The following UBAP1L variants were observed in gnomAD, a reference collection of about 807,000 sequenced individuals.
The protein encoded by UBAP1L is ubiquitin-associated protein 1-like.
UBAP1L carries 32 observed loss-of-function variants against 32.1 expected under a neutral mutation model. That is an observed-to-expected ratio of 1.00 (90% CI 0.75 to 1.34). The LOEUF (loss-of-function observed/expected upper bound fraction) is 1.34. Ranked by LOEUF, UBAP1L falls within the 40% of genes most tolerant of loss-of-function variation. UBAP1L has a pLI of 0.00. For synonymous variants in UBAP1L, 243 were observed against 250.2 expected (o/e 0.97, Z 0.27); for missense variants, 516 against 540.5 (o/e 0.95, Z 0.45).
chr15:65,110,613 A>G (rs2087362632), intron 1 of UBAP1L, among the ~76,000 whole-genome samples: 1 of 144,020 alleles, frequency 6.9e-6, no homozygotes, highest in South Asian at 2.3e-4. Flanking sequence ...TGAACCCAGG[A>G]GGCGGAGGTT....
intron 3 of UBAP1L, chr15:65,100,601 A>T (rs955769196): frequency 2.0e-5 from 3 of 152,106 alleles, no homozygotes; most frequent in African/African-American, 7.2e-5. Context: ...ATCGCCCCGA[A>T]CCTTCTCCCA....
chr15:65,104,321 A>AAAGAG (rs199681416), intron 2 of UBAP1L, among the ~76,000 whole-genome samples: 7 of 151,976 alleles, frequency 4.6e-5, no homozygotes, highest in East Asian at 1.9e-4. Flanking sequence ...AGAGAGAGAG[A>AAAGAG]AAGAGAAGAG....
chr15:65,100,244 C>CAA lies in UBAP1L; in HGVS notation c.700-532_700-531dup, dbSNP rs61017834. On this transcript the variant is annotated intron_variant, in intron 3 of 5. Coordinates refer to ENST00000559089, the MANE Select transcript of UBAP1L (RefSeq NM_001163692.2). Reference sequence around the variant, plus strand: ...GGGCAATAACAGCCAAACTCTGTCTCAAAAAAAAAAACAAAACAAAAAACA... The same window carrying CAA: ...GGGCAATAACAGCCAAACTCTGTCTCAAAAAAAAAAAAACAAAACAAAAAACA... 4.3e-3 allele frequency: 627 copies of CAA among 145,680 alleles called. 5 individuals are homozygous for CAA. The highest frequency in any genetic ancestry group is 0.025 in the East Asian group (128 of 5,050). 9.0% of individuals were successfully genotyped at this position (145,680 alleles called of 1,614,324 possible). A position where few individuals can be genotyped will look rare whatever the true frequency, so the allele number is the denominator to read the frequency against.
At chr15:65,099,446 T>C in intron 4 of UBAP1L, 59 bp downstream of exon 4, 10 of 1,511,550 alleles carry the variant, frequency 6.6e-6, no homozygotes, top group Non-Finnish European at 8.9e-6. Context: ...GTGAAAATCA[T>C]GTGGCCACTC....
rs893102719 is a variant in UBAP1L at position 65,102,208 on chromosome 15, G to A, written c.597C>T (p.Pro199=). The change falls in exon 3 of 6, where the codon CCC becomes CCT. Residue 199 remains proline (P), a synonymous_variant. Coordinates refer to ENST00000559089, the MANE Select transcript of UBAP1L (RefSeq NM_001163692.2). This position sits in a 1 kb window ranked among gnomAD's most constrained non-coding sequence, Gnocchi z 5.0. ...CGGGGTGCTGGGGCGCGGGCCCCGG[G>A]GGTGATGCAGACCTGGGGGACTGCG... is the stretch of plus-strand genomic sequence containing the variant. The part of the protein sequence containing the change: ...SPAQSPRSAS[P]PGPAPQHPAA... 3.7e-5 allele frequency: 45 copies of A among 1,209,302 alleles called. No individual in the cohort carries two copies. Among genetic ancestry groups the A allele is most frequent in the Non-Finnish European group, 4.4e-5 (43 of 973,612 alleles). 74.9% of individuals were successfully genotyped at this position (1,209,302 alleles called of 1,614,324 possible).
At chr15:65,093,912 T>G (rs2087145170) in intron 5 of UBAP1L, among the ~76,000 whole-genome samples, 1 of 152,082 alleles carries the variant, frequency 6.6e-6, no homozygotes, top group South Asian at 2.1e-4. Context: ...CAGGGTGTGG[T>G]GGCAGGCGCC....
intron 1 of UBAP1L, among the ~76,000 whole-genome samples, chr15:65,111,048 TGTTA>T (rs947997226): frequency 5.9e-5 from 9 of 152,188 alleles, no homozygotes; most frequent in African/African-American, 2.2e-4. Flanking sequence ...TGTCAACTCT[TGTTA>T]GTGTCTTGCT....
intron 4 of UBAP1L, chr15:65,099,278 T>C (rs2087211605): frequency 3.7e-6 from 2 of 547,166 alleles, no homozygotes; most frequent in East Asian, 6.2e-5. Flanking sequence ...TCCACTTACC[T>C]CAGGTCACCC....
chr15:65,104,642 G>A (rs376657895), intron 2 of UBAP1L, among the ~76,000 whole-genome samples: 1 of 152,240 alleles, frequency 6.6e-6, no homozygotes, highest in Non-Finnish European at 1.5e-5. Context: ...CTGGGAGGCC[G>A]AGGCCGGAGG....
chr15:65,111,855 A>T (rs890136031), intron 1 of UBAP1L, among the ~76,000 whole-genome samples: 1 of 140,910 alleles, frequency 7.1e-6, no homozygotes, highest in Admixed American at 7.2e-5. Flanking sequence ...CAGTGGCGTG[A>T]TCTGGGCTCA....
chr15:65,105,939 C>A (rs113594612), intron 2 of UBAP1L, 157 bp downstream of exon 2: 3 of 1,029,814 alleles, frequency 2.9e-6, no homozygotes, highest in Non-Finnish European at 4.3e-6. Flanking sequence ...TACAGGCACG[C>A]GTCACCACAC....
intron 1 of UBAP1L, among the ~76,000 whole-genome samples, chr15:65,114,164 A>C (rs1331227043): frequency 6.7e-6 from 1 of 149,888 alleles, no homozygotes; most frequent in East Asian, 2.0e-4. Flanking sequence ...GATTACAGGC[A>C]TGAGCCACCG....
At chr15:65,103,285 T>C (rs761773650) in intron 2 of UBAP1L, among the ~76,000 whole-genome samples, 16 of 152,200 alleles carry the variant, frequency 1.1e-4, no homozygotes, top group Non-Finnish European at 2.4e-4. Context: ...AGAAGTTAGA[T>C]TGGCAGTGAG....
chr15:65,106,731 C>G (rs774680227), intron 1 of UBAP1L, among the ~76,000 whole-genome samples: 1 of 151,380 alleles, frequency 6.6e-6, no homozygotes, highest in Non-Finnish European at 1.5e-5. Flanking sequence ...ACCTCCAGCT[C>G]CTGGGTTCAA....
intron 1 of UBAP1L, among the ~76,000 whole-genome samples, chr15:65,109,352 G>A (rs1338780906): frequency 6.7e-6 from 1 of 149,036 alleles, no homozygotes. Context: ...GCATAGTGGT[G>A]GGCGCCTGTA....
At chr15:65,106,643 T>C (rs2140568335) in intron 1 of UBAP1L, among the ~76,000 whole-genome samples, 1 of 151,218 alleles carries the variant, frequency 6.6e-6, no homozygotes, top group East Asian at 1.9e-4. Flanking sequence ...TAACCTTTTT[T>C]TTTTTTTTTT....
At chr15:65,103,876 C>G (rs556666133) in intron 2 of UBAP1L, among the ~76,000 whole-genome samples, 1 of 152,252 alleles carries the variant, frequency 6.6e-6, no homozygotes, top group East Asian at 1.9e-4. Context: ...CAGCAGCACT[C>G]AGAGGGATTA....
chr15:65,107,861 G>C (rs1029848170), intron 1 of UBAP1L, among the ~76,000 whole-genome samples: 3 of 151,894 alleles, frequency 2.0e-5, no homozygotes, highest in Non-Finnish European at 2.9e-5. Context: ...TAAAACATTT[G>C]GTTAAATGGA....
intron 2 of UBAP1L, among the ~76,000 whole-genome samples, chr15:65,103,620 C>T (rs2087268998): frequency 1.3e-5 from 2 of 152,228 alleles, no homozygotes; most frequent in African/African-American, 4.8e-5. Flanking sequence ...AGCTCCCTCT[C>T]ACCCATGACC....
Sources: allele counts gnomAD v4.1 joint callset (sites outside exome capture counted in the v4.1 genomes callset), GRCh38; gene constraint gnomAD v4.1.1; non-coding constraint Gnocchi (gnomAD v3.1); transcripts MANE v1.5; gene names NCBI Gene and HGNC (gene_info 2026-07-23, HGNC 2026-07-21).